The following PAK5 variants were observed in gnomAD, a reference collection of about 807,000 sequenced individuals.
PAK5 encodes the protein p21 (RAC1) activated kinase 5, also known as serine/threonine-protein kinase PAK 5.
A neutral mutation model predicts 65.9 loss-of-function variants in PAK5; 16 were observed. The observed-to-expected ratio is 0.24, with a 90% CI of 0.16 to 0.37. The LOEUF (loss-of-function observed/expected upper bound fraction) is 0.37. Ranked by LOEUF, PAK5 falls within the 10% of genes least tolerant of loss-of-function variation. PAK5 has a pLI of 1.00. For synonymous variants in PAK5, 371 were observed against 354.9 expected, an observed-to-expected ratio of 1.05 and a Z score of -0.51; for missense variants, 785 against 903.9, an observed-to-expected ratio of 0.87 and a Z score of 1.69.
intron 1 of PAK5, among the ~76,000 whole-genome samples, chr20:9,736,513 C>A (rs913962454): frequency 3.9e-5 from 6 of 152,128 alleles, no homozygotes; most frequent in Non-Finnish European, 8.8e-5. Context: ...AACTAAGTGA[C>A]CTCAAGCCCA....
intron 3 of PAK5, among the ~76,000 whole-genome samples, chr20:9,641,854 G>A (rs1273421714): frequency 6.6e-6 from 1 of 152,156 alleles, no homozygotes; most frequent in Non-Finnish European, 1.5e-5. Context: ...CCATTGCCCG[G>A]GGCCAGCAGG....
intron 3 of PAK5, among the ~76,000 whole-genome samples, chr20:9,633,520 A>G (rs1208624708): frequency 6.6e-6 from 1 of 152,198 alleles, no homozygotes; most frequent in Non-Finnish European, 1.5e-5. Flanking sequence ...AATAAATCTT[A>G]AACATTTTTT....
intron 1 of PAK5, among the ~76,000 whole-genome samples, chr20:9,734,504 A>C (rs916337740): frequency 6.6e-6 from 1 of 152,030 alleles, no homozygotes; most frequent in African/African-American, 2.4e-5. Context: ...AGAAAGATAC[A>C]AGAAGAAAGC....
At chr20:9,724,878 T>G (rs1057285546) in intron 1 of PAK5, among the ~76,000 whole-genome samples, 1 of 152,118 alleles carries the variant, frequency 6.6e-6, no homozygotes, top group Non-Finnish European at 1.5e-5. Context: ...TAATTGCATA[T>G]GTTAAAATAA....
At chr20:9,691,569 T>C (rs1569042789) in intron 2 of PAK5, among the ~76,000 whole-genome samples, 1 of 152,184 alleles carries the variant, frequency 6.6e-6, no homozygotes, top group Non-Finnish European at 1.5e-5. Flanking sequence ...AGGTGTCCTT[T>C]CCTTGCTCTG....
In PAK5 at chr20:9,580,352, C is replaced by G. The variant is rs765643729; in HGVS notation, c.783G>C (p.Leu261=). 6.2e-7 allele frequency: 1 copy of G among 1,614,100 alleles called. No individual in the cohort carries two copies. Among genetic ancestry groups the G allele is most frequent in the Non-Finnish European group, 8.5e-7 (1 of 1,180,010 alleles). Reference sequence around the variant, plus strand: ...ACTTTGGCCTCCTGTCATAGTCATCCAGGCTGGGTCCCCATTCACTTTCAC... The same window carrying G: ...ACTTTGGCCTCCTGTCATAGTCATCGAGGCTGGGTCCCCATTCACTTTCAC... ...AYSESEWGPS[L]DDYDRRPKSS... Residue 261 remains leucine (L), a synonymous_variant, in exon 4 of 10, where the codon CTG becomes CTC. Coordinates refer to ENST00000353224, the MANE Select transcript of PAK5 (RefSeq NM_177990.4).
intron 6 of PAK5, among the ~76,000 whole-genome samples, chr20:9,559,953 G>C (rs1409625662): frequency 6.6e-6 from 1 of 152,142 alleles, no homozygotes; most frequent in Non-Finnish European, 1.5e-5. Flanking sequence ...TTCCTCAGAG[G>C]TTTACAGTAT....
At chr20:9,562,557 A>G (rs2045607079) in intron 6 of PAK5, among the ~76,000 whole-genome samples, 1 of 152,208 alleles carries the variant, frequency 6.6e-6, no homozygotes, top group Non-Finnish European at 1.5e-5. Context: ...CAGCAATGGT[A>G]GAGTAACTCA....
At position 9,580,382 on chromosome 20, in the gene PAK5, C is replaced by G; in HGVS notation, c.753G>C (p.Ala251=). 1.2e-6 allele frequency: 2 copies of G among 1,613,988 alleles called. No individual in the cohort carries two copies. The highest frequency in any genetic ancestry group is 1.7e-6 in the Non-Finnish European group (2 of 1,179,978). The change falls in exon 4 of 10, where the codon GCG becomes GCC. Residue 251 remains alanine, a synonymous_variant. Transcript: ENST00000353224. The part of the protein sequence containing the change: ...GTSGCSKESL[A]YSESEWGPSL... ...TGGGTCCCCATTCACTTTCACTGTA[C>G]GCCAGGCTCTCCTTGGAGCACCCGC...
chr20:9,795,355 A>T (rs1237458394), intron 1 of PAK5, among the ~76,000 whole-genome samples: 1 of 152,106 alleles, frequency 6.6e-6, no homozygotes. Flanking sequence ...TTCTAAAATG[A>T]TTGAGCATTT....
chr20:9,682,237 G>C (rs1600236323), intron 2 of PAK5, among the ~76,000 whole-genome samples: 1 of 152,012 alleles, frequency 6.6e-6, no homozygotes, highest in Admixed American at 6.6e-5. Flanking sequence ...GGCGCCTGTA[G>C]TCCTAGCTAC....
At chr20:9,820,436 C>T (rs904277454) in intron 1 of PAK5, among the ~76,000 whole-genome samples, 1 of 152,130 alleles carries the variant, frequency 6.6e-6, no homozygotes, top group African/African-American at 2.4e-5. Context: ...TGATCTACTC[C>T]TCACCTCCTC....
intron 2 of PAK5, among the ~76,000 whole-genome samples, chr20:9,666,963 T>G (rs1440712870): frequency 2.0e-5 from 3 of 152,104 alleles, no homozygotes; most frequent in Non-Finnish European, 4.4e-5. Flanking sequence ...GGCTGCAAAT[T>G]TTGTGTCCCT....
chr20:9,558,390 C>T (rs1270054706), intron 6 of PAK5, among the ~76,000 whole-genome samples: 1 of 152,152 alleles, frequency 6.6e-6, no homozygotes, highest in East Asian at 1.9e-4. Flanking sequence ...GCTGGGATTA[C>T]AGACAGGAGC....
chr20:9,606,237 T>A (rs1210323132), intron 3 of PAK5, among the ~76,000 whole-genome samples: 2 of 152,152 alleles, frequency 1.3e-5, no homozygotes, highest in Non-Finnish European at 2.9e-5. Context: ...CCTGCCGCCC[T>A]CTCTTCCTCC....
At chr20:9,800,840 G>A in intron 1 of PAK5, among the ~76,000 whole-genome samples, 1 of 151,748 alleles carries the variant, frequency 6.6e-6, no homozygotes, top group East Asian at 1.9e-4. Context: ...CAACTAAGGA[G>A]TTAGAGATTC....
chr20:9,669,546 A>G, intron 2 of PAK5, among the ~76,000 whole-genome samples: 1 of 152,220 alleles, frequency 6.6e-6, no homozygotes, highest in Middle Eastern at 3.4e-3. Flanking sequence ...ATATCAAAAA[A>G]TAATATTGTT....
At chr20:9,746,149 A>G (rs2048505390) in intron 1 of PAK5, among the ~76,000 whole-genome samples, 1 of 152,172 alleles carries the variant, frequency 6.6e-6, no homozygotes, top group Non-Finnish European at 1.5e-5. Context: ...TCCAAAGGAC[A>G]AACTTCCCAG....
chr20:9,825,178 G>A (rs906226655), intron 1 of PAK5, among the ~76,000 whole-genome samples: 10 of 152,174 alleles, frequency 6.6e-5, no homozygotes, highest in Admixed American at 6.5e-5. Flanking sequence ...ATTCTTTTCA[G>A]TGGGTGGACT....
Sources: allele counts gnomAD v4.1 joint callset (sites outside exome capture counted in the v4.1 genomes callset), GRCh38; gene constraint gnomAD v4.1.1; transcripts MANE v1.5; gene names NCBI Gene and HGNC (gene_info 2026-07-23, HGNC 2026-07-21).